ACAD9: variants seen among roughly 807,000 people sequenced by gnomAD.
ACAD9 encodes the protein complex I assembly factor ACAD9, mitochondrial.
Under a neutral mutation model 70.2 loss-of-function variants are expected in ACAD9, and 53 were observed. That is an observed-to-expected ratio of 0.75 (90% CI 0.61 to 0.95). The LOEUF (loss-of-function observed/expected upper bound fraction) is 0.95, where lower values mean the gene tolerates loss of function less well. ACAD9 is among the 40% of genes least tolerant of loss of function. ACAD9 has a pLI of 0.00. For synonymous variants in ACAD9, 313 were observed against 312.1 expected (o/e 1.00, Z -0.03); for missense variants, 777 against 802.8 (o/e 0.97, Z 0.39).
intron 1 of ACAD9, among the ~76,000 whole-genome samples, chr3:128,883,710 G>C (rs898873035): frequency 5.3e-5 from 8 of 152,022 alleles, no homozygotes; most frequent in African/African-American, 1.7e-4. Context: ...AATGGATGGA[G>C]GCAGGGATTC....
At chr3:128,897,571 T>A in intron 5 of ACAD9, 61 bp from the exon 6 acceptor site, 1 of 1,523,550 alleles carries the variant, frequency 6.6e-7, no homozygotes, top group Non-Finnish European at 9.0e-7. Flanking sequence ...TTTCAGGCCC[T>A]CAAAAGCATT....
chr3:128,887,375 G>T (rs1031121906), intron 2 of ACAD9, among the ~76,000 whole-genome samples: 17 of 152,078 alleles, frequency 1.1e-4, no homozygotes, highest in Admixed American at 3.9e-4. Context: ...GAAGACTGAG[G>T]GGGGCAGATT....
rs149532813 is a variant in ACAD9 at position 128,893,131 on chromosome 3, C to T, written c.245-424C>T. 1.4e-4 allele frequency among the ~76,000 whole-genome samples: 21 copies of T among 151,256 alleles called. No homozygotes were observed. The East Asian group carries it at 3.7e-3, about 27-fold the overall frequency. ...GAGGCTGTGGTGGGAAGATTGCTTG[C>T]GTTCAGGAGTTCAAGACCAGCCTGG... On this transcript the variant is annotated intron_variant, in intron 2 of 17. Transcript: ENST00000308982.
chr3:128,907,090 T>TGATG (rs1428662926), intron 12 of ACAD9, among the ~76,000 whole-genome samples: 1 of 151,942 alleles, frequency 6.6e-6, no homozygotes, highest in African/African-American at 2.4e-5. Context: ...GAGTGGGATA[T>TGATG]GATGGTGGGC....
intron 12 of ACAD9, among the ~76,000 whole-genome samples, chr3:128,907,747 G>GAC (rs1935935908): frequency 6.6e-6 from 1 of 152,204 alleles, no homozygotes; most frequent in South Asian, 2.1e-4. Flanking sequence ...TGGGTGTGTT[G>GAC]ACACCTGGCA....
In ACAD9 at chr3:128,908,563, C is replaced by T. The variant is rs927894801; in HGVS notation, c.1358+299C>T. On this transcript the variant is annotated intron_variant, in intron 13 of 17. Transcript: ENST00000308982. ...CAGAACCTGAAGAATGAGAGGTGTC[C>T]CTTTAAAGGTGCCAGGCCTCACAGC... 12 of 566,952 alleles carry T rather than the reference C, an allele frequency of 2.1e-5. No individual in the cohort carries two copies. The East Asian group carries it at 3.7e-4, about 17-fold the overall frequency. 35.1% of individuals were successfully genotyped at this position (566,952 alleles called of 1,614,324 possible). A position where few individuals can be genotyped will look rare whatever the true frequency, so the allele number is the denominator to read the frequency against.
In ACAD9 at chr3:128,904,439, C is replaced by T; in HGVS notation, c.1083C>T (p.Tyr361=). ...CTTACGTCATGGAGAGTATGACCTA[C>T]CTCACAGCAGGGATGCTGGACCAAC... ...QKAYVMESMT[Y]LTAGMLDQPG... Residue 361 remains tyrosine, a synonymous_variant, in exon 11 of 18, where the codon TAC becomes TAT. Coordinates refer to ENST00000308982, the MANE Select transcript of ACAD9 (RefSeq NM_014049.5). 1.2e-6 allele frequency: 2 copies of T among 1,614,212 alleles called. No homozygotes were observed. Among genetic ancestry groups the T allele is most frequent in the Non-Finnish European group, 1.7e-6 (2 of 1,180,036 alleles).
intron 2 of ACAD9, among the ~76,000 whole-genome samples, chr3:128,890,529 C>T (rs879758810): frequency 1.7e-4 from 26 of 151,992 alleles, no homozygotes; most frequent in Non-Finnish European, 2.8e-4. Flanking sequence ...GGTGAAACCC[C>T]GTCTCTACTA....
chr3:128,889,704 A>C lies in ACAD9; in HGVS notation c.245-3851A>C, dbSNP rs151302331. On this transcript the variant is annotated intron_variant, in intron 2 of 17. Transcript: ENST00000308982. ...GTGGCTTCCTTTTTAATGCTGAGTC[A>C]TATTTCTTTCTATGGATATACCAAG... Among the ~76,000 whole-genome samples, 10 of 152,316 alleles carry C rather than the reference A, an allele frequency of 6.6e-5. No individual in the cohort carries two copies. The East Asian group carries it at 1.9e-3, about 29-fold the overall frequency.
chr3:128,892,547 TAG>T (rs1270476063), intron 2 of ACAD9, among the ~76,000 whole-genome samples: 1 of 152,242 alleles, frequency 6.6e-6, no homozygotes, highest in East Asian at 1.9e-4. Context: ...ATTTTTATTT[TAG>T]AGATGAGATC....
At position 128,879,741 on chromosome 3, in the gene ACAD9, G is replaced by T. The variant is rs900511320; in HGVS notation, c.50G>T (p.Cys17Phe). The change falls in exon 1 of 18, where the codon TGC becomes TTC. Residue 17 changes from cysteine to phenylalanine, a missense_variant. Cys to Phe is a radical substitution (Grantham distance 205). Transcript: ENST00000308982. Reference sequence around the variant, plus strand: ...CGCACCACGGCTGCGGCTCGTGCCTGCCGGGGTCTGGTGGTCTCTACCGCG... The same window carrying T: ...CGCACCACGGCTGCGGCTCGTGCCTTCCGGGGTCTGGTGGTCTCTACCGCG... ...FLRTTAAARACRGLVVSTANR... is the reference protein window; with the variant it reads ...FLRTTAAARAFRGLVVSTANR... 2 of 1,612,880 alleles carry T rather than the reference G, an allele frequency of 1.2e-6. No homozygotes were observed. The highest frequency in any genetic ancestry group is 1.7e-6 in the Non-Finnish European group (2 of 1,179,966).
At position 128,910,827 on chromosome 3, in the gene ACAD9, C is replaced by T; in HGVS notation, c.1765+14C>T. The T allele has an allele frequency of 6.2e-7, 1 of 1,613,940 alleles. No individual in the cohort carries two copies. The highest frequency in any genetic ancestry group is 8.5e-7 in the Non-Finnish European group (1 of 1,179,856). ...AGCTGGACAAGTGTGAGTGGCATGT[C>T]TTGGGGGAGGGAAGGAAGGGCCCAC... On this transcript the variant is annotated intron_variant, in intron 17 of 17. Transcript: ENST00000308982.
intron 7 of ACAD9, among the ~76,000 whole-genome samples, chr3:128,900,566 T>G (rs1935709475): frequency 6.6e-6 from 1 of 151,570 alleles, no homozygotes; most frequent in African/African-American, 2.4e-5. Context: ...TCTTGCTATG[T>G]TGTCCTGGCT....
At chr3:128,908,302 T>C (rs766050986) in intron 13 of ACAD9, 38 bp downstream of exon 13, 1 of 1,609,946 alleles carries the variant, frequency 6.2e-7, no homozygotes, top group South Asian at 1.1e-5. Context: ...TCAGGTCCCA[T>C]ACCTGCCCAG....
chr3:128,908,835 G>A (rs1362216406), intron 13 of ACAD9, 138 bp from the exon 14 acceptor site: 10 of 1,402,374 alleles, frequency 7.1e-6, no homozygotes, highest in African/African-American at 1.4e-5. Context: ...GTTTGGGGGG[G>A]TTCAGGCTGT....
intron 2 of ACAD9, among the ~76,000 whole-genome samples, chr3:128,886,929 TTTG>T (rs1430401339): frequency 6.6e-6 from 1 of 151,810 alleles, no homozygotes; most frequent in Non-Finnish European, 1.5e-5. Context: ...AGACATGCTT[TTTG>T]TTTGTTTGTT....
chr3:128,910,952 AG>A, intron 17 of ACAD9, 139 bp downstream of exon 17: 1 of 1,048,404 alleles, frequency 9.5e-7, no homozygotes, highest in Non-Finnish European at 1.5e-6. Context: ...GGGCCTGGGT[AG>A]GCCTGGGCTT....
In ACAD9 at chr3:128,905,092, G is replaced by A. The variant is rs570695628; in HGVS notation, c.1149+587G>A. Among the ~76,000 whole-genome samples, 156 of 152,172 alleles carry A rather than the reference G, an allele frequency of 1.0e-3. 1 individual carries two copies. Among genetic ancestry groups the A allele is most frequent in the African/African-American group, 3.7e-3 (153 of 41,504 alleles). ...ACCCGGTGGGGGCGGAGGTTGCAGT[G>A]AGCCGAGGTTGTGCCATTGCACACC... On this transcript the variant is annotated intron_variant, in intron 11 of 17. Transcript: ENST00000308982.
intron 1 of ACAD9, among the ~76,000 whole-genome samples, chr3:128,883,438 A>C (rs1302551587): frequency 1.4e-5 from 2 of 147,608 alleles, no homozygotes; most frequent in South Asian, 2.2e-4. Flanking sequence ...GCTCACTGCA[A>C]CCTCCACCTC....
Sources: gnomAD v4.1 joint callset for allele counts (sites outside exome capture counted in the v4.1 genomes callset) on GRCh38, gnomAD v4.1.1 for gene constraint, MANE v1.5 for transcripts, NCBI Gene and HGNC (gene_info 2026-07-23, HGNC 2026-07-21) for gene names.